Variants in FBN3 observed in about 807,000 individuals in gnomAD.
FBN3 encodes fibrillin-3.
FBN3 carries 234 observed loss-of-function variants against 330.1 expected under a neutral mutation model. That is an observed-to-expected ratio of 0.71 (90% CI 0.64 to 0.79). The LOEUF is 0.79. Ranked by LOEUF, FBN3 falls within the 30% of genes least tolerant of loss-of-function variation. The probability of loss-of-function intolerance (pLI) is 0.00; values close to 1 mark genes in which losing one functional copy is unlikely to be tolerated. For synonymous variants in FBN3, 1,458 were observed against 1,517.3 expected, an observed-to-expected ratio of 0.96 and a Z score of 0.91; for missense variants, 3,606 against 3,886.9, an observed-to-expected ratio of 0.93 and a Z score of 1.92.
intron 47 of FBN3, among the ~76,000 whole-genome samples, chr19:8,093,801 AC>A (rs2082152103): frequency 6.6e-6 from 1 of 152,076 alleles, no homozygotes; most frequent in Non-Finnish European, 1.5e-5. Context: ...CAAAACAACA[AC>A]AAAAAAAGGA....
At position 8,121,209 on chromosome 19, in the gene FBN3, C is replaced by CCCT; in HGVS notation, c.3211+46_3211+48dup. On this transcript the variant is annotated intron_variant, in intron 25 of 63. Transcript: ENST00000600128. This position sits in a 1 kb window ranked among gnomAD's most constrained non-coding sequence, Gnocchi z 4.5. ...GTCCCCACCCTCCCTCTCCTCAATG[C>CCCT]CCTCCCTGCCCAGGGCGCCCACCAC... is the stretch of plus-strand genomic sequence containing the variant. 6.6e-7 allele frequency: 1 copy of CCCT among 1,524,770 alleles called. No homozygotes were observed. Among genetic ancestry groups the CCCT allele is most frequent in the Non-Finnish European group, 8.9e-7 (1 of 1,128,220 alleles). The allele number at this position is 1,524,770 out of a possible 1,614,324, so 94.5% of individuals were successfully genotyped here.
At chr19:8,098,196 G>C (rs1789148495) in intron 41 of FBN3, among the ~76,000 whole-genome samples, 1 of 152,192 alleles carries the variant, frequency 6.6e-6, no homozygotes, top group Non-Finnish European at 1.5e-5. Flanking sequence ...ATCAGTAGGG[G>C]ACTGGAAACA....
chr19:8,138,365 CT>C (rs1191852560), intron 9 of FBN3, 42 bp from the exon 10 acceptor site: 1 of 1,610,396 alleles, frequency 6.2e-7, no homozygotes, highest in Non-Finnish European at 8.5e-7. Context: ...TGGCCCTCCC[CT>C]GTCCCCTCCT....
In FBN3 at chr19:8,138,128, C is replaced by A; in HGVS notation, c.1201+13G>T. On this transcript the variant is annotated intron_variant, in intron 10 of 63. Coordinates refer to ENST00000600128, the MANE Select transcript of FBN3 (RefSeq NM_032447.5). ...CAAGTCTTGGAATGTTCCTCCCAAG[C>A]CCCAGGCCTCACCAATATTAGAGTT... 2 of 1,600,260 alleles carry A rather than the reference C, an allele frequency of 1.2e-6. No homozygotes were observed. Among genetic ancestry groups the A allele is most frequent in the Non-Finnish European group, 1.7e-6 (2 of 1,174,702 alleles).
chr19:8,070,246 C>T (rs1441686339), intron 63 of FBN3, among the ~76,000 whole-genome samples: 1 of 152,150 alleles, frequency 6.6e-6, no homozygotes, highest in African/African-American at 2.4e-5. Flanking sequence ...TAACCCTATC[C>T]CATGTCTCAC....
At chr19:8,070,465 C>T (rs1442130420) in intron 63 of FBN3, among the ~76,000 whole-genome samples, 3 of 152,166 alleles carry the variant, frequency 2.0e-5, no homozygotes, top group Non-Finnish European at 4.4e-5. Context: ...GAAGAAGCTT[C>T]GACCTAAATG....
chr19:8,131,474 A>G lies in FBN3; in HGVS notation c.1990+80T>C. ...GAAGAGCCCCCACTCCATGGCAGCC[A>G]TGACCCCCCACCAGAAGCGAGAACC... On this transcript the variant is annotated intron_variant, in intron 15 of 63. Transcript: ENST00000600128. The surrounding 1 kb of genome is among the most constrained non-coding windows in gnomAD (Gnocchi z 4.5). 6.5e-7 allele frequency: 1 copy of G among 1,530,602 alleles called. No individual in the cohort carries two copies. Among genetic ancestry groups the G allele is most frequent in the Non-Finnish European group, 8.9e-7 (1 of 1,127,592 alleles). The allele number at this position is 1,530,602 out of a possible 1,614,324, so 94.8% of individuals were successfully genotyped here. A position where few individuals can be genotyped will look rare whatever the true frequency, so the allele number is the denominator to read the frequency against.
Position 8,096,148 on chromosome 19 carries a change from G to A in FBN3, c.5540-68C>T. 1.2e-5 allele frequency: 15 copies of A among 1,228,414 alleles called. No homozygotes were observed. Among genetic ancestry groups the A allele is most frequent in the Non-Finnish European group, 1.8e-5 (15 of 830,184 alleles). 76.1% of individuals were successfully genotyped at this position (1,228,414 alleles called of 1,614,324 possible). On this transcript the variant is annotated intron_variant, in intron 44 of 63. Transcript: ENST00000600128. The surrounding 1 kb of genome is among the most constrained non-coding windows in gnomAD (Gnocchi z 4.6). The stretch of plus-strand genomic sequence containing the variant: ...CATTGGGGAACTTGGGGAGTGAGAG[G>A]CCAGCTGGACCTAGCACTCCTCCCC...
intron 13 of FBN3, among the ~76,000 whole-genome samples, chr19:8,135,206 TG>T (rs2144995580): frequency 6.6e-6 from 1 of 151,924 alleles, no homozygotes; most frequent in Non-Finnish European, 1.5e-5. Flanking sequence ...CTTGAACTCC[TG>T]GCCTCAAGCG....
In FBN3 at chr19:8,075,109, TG is replaced by T; in HGVS notation, c.7663del (p.Gln2555ArgfsTer143). On this transcript the variant is annotated frameshift_variant, in exon 61 of 64. Coordinates refer to ENST00000600128, the MANE Select transcript of FBN3 (RefSeq NM_032447.5). LOFTEE classifies it high-confidence loss of function. ...CCACTGGGAGTGCTGGGTGAAACCCTGGGGGCAGCTGCAGCGGTAGCCCCCT... is the reference window on the plus strand; with the variant it reads ...CCACTGGGAGTGCTGGGTGAAACCCTGGGGCAGCTGCAGCGGTAGCCCCCT... Reference protein sequence around the residue: ...QLGGYRCSCPQGFTQHSQWAQ... With the variant: ...QLGGYRCSCPXGFTQHSQWAQ... 1.3e-6 allele frequency: 2 copies of T among 1,595,122 alleles called. No individual in the cohort carries two copies. Among genetic ancestry groups the T allele is most frequent in the Non-Finnish European group, 1.7e-6 (2 of 1,170,678 alleles).
intron 3 of FBN3, 86 bp downstream of exon 3, chr19:8,147,018 C>G (rs2083561309): frequency 1.6e-6 from 2 of 1,254,282 alleles, no homozygotes; most frequent in South Asian, 1.3e-5. Context: ...CTGGCTAAGT[C>G]CCCGTGTAAA....
chr19:8,112,379 G>A (rs1049198513), intron 30 of FBN3, among the ~76,000 whole-genome samples: 3 of 152,190 alleles, frequency 2.0e-5, no homozygotes, highest in Admixed American at 1.3e-4. Flanking sequence ...GGGTGCGGTG[G>A]CTCACGCCTG....
chr19:8,136,072 T>C lies in FBN3; in HGVS notation c.1480A>G (p.Ile494Val), dbSNP rs747184956. 5.0e-6 allele frequency: 8 copies of C among 1,613,862 alleles called. No homozygotes were observed. The highest frequency in any genetic ancestry group is 5.9e-6 in the Non-Finnish European group (7 of 1,179,950). Reference protein sequence around the residue: ...RQACVDVDECIVSGGLCHLGR... With the variant: ...RQACVDVDECVVSGGLCHLGR... ...AGGTGACAAAGGCCACCACTGACAA[T>C]GCACTCGTCCACATCTGCGGGGAAG... Residue 494 changes from isoleucine to valine, a missense_variant, in exon 13 of 64, where the codon ATT becomes GTT. Ile to Val is a conservative substitution (Grantham distance 29). Transcript: ENST00000600128.
intron 40 of FBN3, among the ~76,000 whole-genome samples, chr19:8,101,656 G>A (rs918947418): frequency 1.3e-5 from 2 of 150,928 alleles, no homozygotes; most frequent in African/African-American, 2.4e-5. Flanking sequence ...GACATTTACC[G>A]ACCCCCTCCC....
At chr19:8,118,584 T>G (rs1177319656) in intron 26 of FBN3, among the ~76,000 whole-genome samples, 1 of 150,172 alleles carries the variant, frequency 6.7e-6, no homozygotes, top group Non-Finnish European at 1.5e-5. Context: ...ACACACTCAC[T>G]CCTCACATAC....
chr19:8,115,588 C>T lies in FBN3; in HGVS notation c.3765G>A (p.Glu1255=). Residue 1255 remains glutamate (E), a synonymous_variant, in exon 30 of 64, where the codon GAG becomes GAA. Transcript: ENST00000600128. ...NPHICLHGDC[E]NTKGSFVCHC... is the part of the protein sequence containing the mutation. ...GGCAGACAAAGGAACCCTTCGTGTT[C>T]TCGCAGTCCCCATGGAGGCAGATGT... 6.2e-7 allele frequency: 1 copy of T among 1,614,106 alleles called. No homozygotes were observed. The highest frequency in any genetic ancestry group is 1.1e-5 in the South Asian group (1 of 91,068).
At chr19:8,124,041 CT>C in intron 22 of FBN3, 33 bp from the exon 23 acceptor site, 1 of 1,563,868 alleles carries the variant, frequency 6.4e-7, no homozygotes, top group Non-Finnish European at 8.8e-7. Context: ...GTCCCCACCC[CT>C]GCCACACTGT....
intron 26 of FBN3, 139 bp from the exon 27 acceptor site, chr19:8,117,728 A>C: frequency 2.0e-6 from 2 of 985,110 alleles, no homozygotes; most frequent in Non-Finnish European, 2.9e-6. Flanking sequence ...GCCTATCCGT[A>C]CACTTGCATT....
intron 18 of FBN3, among the ~76,000 whole-genome samples, chr19:8,127,624 A>G (rs2083024613): frequency 6.6e-6 from 1 of 152,172 alleles, no homozygotes; most frequent in Non-Finnish European, 1.5e-5. Flanking sequence ...CTCGGGCTTG[A>G]TCATCCGCTA....
Sources: gnomAD v4.1 joint callset for allele counts (sites outside exome capture counted in the v4.1 genomes callset) on GRCh38, gnomAD v4.1.1 for gene constraint, Gnocchi (gnomAD v3.1) non-coding constraint, MANE v1.5 for transcripts, NCBI Gene and HGNC (gene_info 2026-07-23, HGNC 2026-07-21) for gene names.